The following UST variants were observed in gnomAD, a reference collection of about 807,000 sequenced individuals.
UST encodes uronyl 2-sulfotransferase.
Under a neutral mutation model 45.6 loss-of-function variants are expected in UST, and 21 were observed. The ratio of observed to expected loss-of-function variants is 0.46; its 90% CI spans 0.33 to 0.66. UST has a LOEUF of 0.66. Ranked by LOEUF, UST falls within the 30% of genes least tolerant of loss-of-function variation. The probability of loss-of-function intolerance (pLI) is 0.02; values close to 1 mark genes in which losing one functional copy is unlikely to be tolerated. For missense variants in UST, 463 were observed against 512.4 expected (o/e 0.90, Z 0.93); for synonymous variants, 215 against 200.6 (o/e 1.07, Z -0.61).
At chr6:148,800,994 G>T (rs1181104706) in intron 1 of UST, among the ~76,000 whole-genome samples, 2 of 152,128 alleles carry the variant, frequency 1.3e-5, no homozygotes, top group East Asian at 3.9e-4. Flanking sequence ...CAAATTCAAA[G>T]AGCAACTTTT....
rs571042216 is a variant in UST at position 149,051,565 on chromosome 6, C to T, written c.938-22268C>T. Among the ~76,000 whole-genome samples the T allele has an allele frequency of 3.9e-5, 6 of 152,260 alleles. No homozygotes were observed. The South Asian group carries it at 6.2e-4, about 16-fold the overall frequency. ...TACTTAGTTAAATAGCATGTCATTC[C>T]GTAAGAAAGCAAACCTGAATTGGTT... On this transcript the variant is annotated intron_variant, in intron 7 of 7. Coordinates refer to ENST00000367463, the MANE Select transcript of UST (RefSeq NM_005715.3).
At chr6:148,865,713 T>TGTGTGG (rs1441709753) in intron 1 of UST, among the ~76,000 whole-genome samples, 1 of 80,228 alleles carries the variant, frequency 1.2e-5, no homozygotes, top group South Asian at 4.6e-4. Context: ...TGTGTGTGTG[T>TGTGTGG]GAATTCAGAG....
chr6:149,059,267 C>T (rs1776618267), intron 7 of UST, among the ~76,000 whole-genome samples: 1 of 152,186 alleles, frequency 6.6e-6, no homozygotes, highest in Non-Finnish European at 1.5e-5. Flanking sequence ...TTGGGAGGCT[C>T]CCACATCAAC....
intron 1 of UST, among the ~76,000 whole-genome samples, chr6:148,775,642 G>C (rs9485329): frequency 0.029 from 4,440 of 150,750 alleles, 92 homozygotes; most frequent in Non-Finnish European, 0.041. Context: ...TTTTTTTTGG[G>C]GCGGGGAGAG....
At chr6:148,975,140 A>G (rs1315103029) in intron 5 of UST, among the ~76,000 whole-genome samples, 1 of 152,254 alleles carries the variant, frequency 6.6e-6, no homozygotes, top group Non-Finnish European at 1.5e-5. Context: ...CCAAGGCAAT[A>G]AAATTAGCCG....
chr6:148,868,764 G>C (rs1778494918), intron 1 of UST, among the ~76,000 whole-genome samples: 1 of 152,166 alleles, frequency 6.6e-6, no homozygotes, highest in Non-Finnish European at 1.5e-5. Flanking sequence ...CAGGAAGACT[G>C]TGACAGGCCA....
rs1776876728 is a variant in UST, at chr6:149,075,374, G to T, written c.*1258G>T. On this transcript the variant is annotated 3_prime_UTR_variant, in exon 8 of 8. Transcript: ENST00000367463. Reference sequence around the variant, plus strand: ...TACCCGAGAACTACCTGAGTTCTGTGCAGGTAGAGTCCCATTTCTTATGGG... The same window carrying T: ...TACCCGAGAACTACCTGAGTTCTGTTCAGGTAGAGTCCCATTTCTTATGGG... 1 of 152,200 alleles carries T rather than the reference G, an allele frequency of 6.6e-6. No individual in the cohort carries two copies. Among genetic ancestry groups the T allele is most frequent in the South Asian group, 2.1e-4 (1 of 4,824 alleles). The allele number at this position is 152,200 out of a possible 1,614,324, so 9.4% of individuals were successfully genotyped here. A position where few individuals can be genotyped will look rare whatever the true frequency, so the allele number is the denominator to read the frequency against.
At chr6:148,889,353 A>T (rs1276804513) in intron 2 of UST, among the ~76,000 whole-genome samples, 1 of 152,244 alleles carries the variant, frequency 6.6e-6, no homozygotes, top group Non-Finnish European at 1.5e-5. Flanking sequence ...AAGTTTATTT[A>T]TTAATGTAAT....
chr6:149,006,286 T>C (rs904966321), intron 5 of UST, among the ~76,000 whole-genome samples: 1 of 152,120 alleles, frequency 6.6e-6, no homozygotes, highest in African/African-American at 2.4e-5. Flanking sequence ...CCTCCCTATG[T>C]CCATGTGTTC....
intron 2 of UST, among the ~76,000 whole-genome samples, chr6:148,927,045 A>T (rs79964018): frequency 0.027 from 4,132 of 152,254 alleles, 150 homozygotes; most frequent in East Asian, 0.13. Flanking sequence ...AATTTAAAAT[A>T]TTCTCTGAAG....
intron 4 of UST, among the ~76,000 whole-genome samples, chr6:148,958,183 G>T (rs942477656): frequency 6.6e-6 from 1 of 150,588 alleles, no homozygotes; most frequent in Non-Finnish European, 1.5e-5. Context: ...GACCTACTTC[G>T]TTTTTTTTCA....
rs1188551473 is a variant in UST, at chr6:148,747,190, C to A, written c.-241C>A. 1.2e-5 allele frequency: 3 copies of A among 248,628 alleles called. No individual in the cohort carries two copies. The highest frequency in any genetic ancestry group is 1.7e-4 in the South Asian group (1 of 5,938). The allele number at this position is 248,628 out of a possible 1,614,324, so 15.4% of individuals were successfully genotyped here. A position where few individuals can be genotyped will look rare whatever the true frequency, so the allele number is the denominator to read the frequency against. On this transcript the variant is annotated 5_prime_UTR_variant, in exon 1 of 8. Transcript: ENST00000367463. ...TAGCGGGCGCCGGACGGGCGCGGCG[C>A]CCCGTCACGGGCAGCGCCCCGAACC...
chr6:148,782,080 G>T (rs1345607349), intron 1 of UST, among the ~76,000 whole-genome samples: 1 of 152,174 alleles, frequency 6.6e-6, no homozygotes, highest in African/African-American at 2.4e-5. Flanking sequence ...TTTTATTTAA[G>T]AAATACATTT....
intron 4 of UST, among the ~76,000 whole-genome samples, chr6:148,958,468 G>A (rs887531469): frequency 6.6e-6 from 1 of 152,192 alleles, no homozygotes; most frequent in Non-Finnish European, 1.5e-5. Context: ...TTTTCACCTG[G>A]ACTATCTGGA....
intron 1 of UST, among the ~76,000 whole-genome samples, chr6:148,872,016 G>A (rs1263979671): frequency 6.6e-6 from 1 of 152,100 alleles, no homozygotes; most frequent in Admixed American, 6.6e-5. Flanking sequence ...CTATATCTAT[G>A]GTTATTTTTC....
chr6:148,953,028 A>G (rs17728886), intron 3 of UST, among the ~76,000 whole-genome samples: 13,297 of 152,308 alleles, frequency 0.087, 666 homozygotes, highest in Middle Eastern at 0.11. Flanking sequence ...CTGCAAATAA[A>G]TAATTCAGAT....
At chr6:148,968,715 G>A (rs900312) in intron 5 of UST, among the ~76,000 whole-genome samples, 119,632 of 152,238 alleles carry the variant, frequency 0.79, 47,232 homozygotes, top group African/African-American at 0.88. Context: ...CCCTTTTCCA[G>A]TCTTGGAGCT....
chr6:148,961,928 G>A (rs1780667069), intron 4 of UST, among the ~76,000 whole-genome samples: 1 of 152,214 alleles, frequency 6.6e-6, no homozygotes, highest in Non-Finnish European at 1.5e-5. Context: ...TAGGACATGT[G>A]CTATGCTCTG....
intron 2 of UST, among the ~76,000 whole-genome samples, chr6:148,911,937 C>G (rs1779483063): frequency 6.6e-6 from 1 of 152,224 alleles, no homozygotes; most frequent in African/African-American, 2.4e-5. Context: ...TGGCTCACGC[C>G]TGTAATCCCA....
Sources: gnomAD v4.1 joint callset for allele counts (sites outside exome capture counted in the v4.1 genomes callset) on GRCh38, gnomAD v4.1.1 for gene constraint, MANE v1.5 for transcripts, NCBI Gene and HGNC (gene_info 2026-07-23, HGNC 2026-07-21) for gene names.